The following RASGEF1C variants were observed in gnomAD, a reference collection of about 807,000 sequenced individuals.
RASGEF1C encodes the protein RasGEF domain family member 1C.
A neutral mutation model predicts 58.1 loss-of-function variants in RASGEF1C; 27 were observed. The ratio of observed to expected loss-of-function variants is 0.46; its 90% CI spans 0.34 to 0.64. The LOEUF is 0.64. RASGEF1C is among the 30% of genes least tolerant of loss of function. The pLI, the probability that RASGEF1C is intolerant of heterozygous loss-of-function variation, is 0.01. For synonymous variants in RASGEF1C, 243 were observed against 246.3 expected, an observed-to-expected ratio of 0.99 and a Z score of 0.13; for missense variants, 502 against 605.1, an observed-to-expected ratio of 0.83 and a Z score of 1.79.
At chr5:180,122,694 T>C (rs1484204290) in intron 6 of RASGEF1C, among the ~76,000 whole-genome samples, 2 of 150,266 alleles carry the variant, frequency 1.3e-5, no homozygotes, top group East Asian at 2.0e-4. Context: ...TGAGCCGAGA[T>C]TGTGCCACCG....
At chr5:180,190,431 A>G (rs932162081) in intron 1 of RASGEF1C, among the ~76,000 whole-genome samples, 11 of 132,932 alleles carry the variant, frequency 8.3e-5, no homozygotes, top group African/African-American at 1.6e-4. Flanking sequence ...CGGAGCTTGC[A>G]GTGAGCTGAG....
At chr5:180,182,407 G>A (rs878966493) in intron 1 of RASGEF1C, among the ~76,000 whole-genome samples, 4 of 151,974 alleles carry the variant, frequency 2.6e-5, no homozygotes, top group South Asian at 2.1e-4. Context: ...GTGAGCAGCC[G>A]CAAGATTTAT....
At chr5:180,175,573 T>C (rs1767210878) in intron 1 of RASGEF1C, among the ~76,000 whole-genome samples, 1 of 152,224 alleles carries the variant, frequency 6.6e-6, no homozygotes, top group African/African-American at 2.4e-5. Flanking sequence ...ACTCGGGACA[T>C]TTCCCGAGCC....
At chr5:180,175,848 C>T (rs958480496) in intron 1 of RASGEF1C, among the ~76,000 whole-genome samples, 4 of 152,148 alleles carry the variant, frequency 2.6e-5, no homozygotes, top group Admixed American at 2.0e-4. Context: ...ATTAGCCGGG[C>T]GCAGTGGCGG....
chr5:180,113,361 T>C (rs1241639674), intron 11 of RASGEF1C, among the ~76,000 whole-genome samples: 5 of 14,982 alleles, frequency 3.3e-4, no homozygotes, highest in Admixed American at 6.7e-4. Flanking sequence ...GACTGAGGGA[T>C]CCGGGATGGA....
intron 1 of RASGEF1C, among the ~76,000 whole-genome samples, chr5:180,183,493 GAA>G (rs56168442): frequency 0.029 from 4,402 of 149,238 alleles, 207 homozygotes; most frequent in African/African-American, 0.1. Flanking sequence ...AAAGAAGTCA[GAA>G]AAAAAAAAAG....
rs989321714 is a variant in RASGEF1C, at chr5:180,155,769, C to T, written c.-6-17711G>A. Among the ~76,000 whole-genome samples, 1 of 152,160 alleles carries T rather than the reference C, an allele frequency of 6.6e-6. No homozygotes were observed. Among genetic ancestry groups the T allele is most frequent in the African/African-American group, 2.4e-5 (1 of 41,444 alleles). ...GAACATACTTCTACAAGGAGAGGCA[C>T]AGCCCAGTCACTCCCCAAGCCACAG... On this transcript the variant is annotated intron_variant, in intron 1 of 13. Coordinates refer to ENST00000361132, the MANE Select transcript of RASGEF1C (RefSeq NM_175062.4). This position sits in a 1 kb window ranked among gnomAD's most constrained non-coding sequence, Gnocchi z 5.2.
rs1332096917 is a variant in RASGEF1C, at chr5:180,137,868, T to C, written c.177+8A>G. On this transcript the variant is annotated splice_region_variant and intron_variant, in intron 2 of 13. Transcript: ENST00000361132. This position sits in a 1 kb window ranked among gnomAD's most constrained non-coding sequence, Gnocchi z 4.1. ...CCCACTCTCCTGCCCGCTGGGTGGA[T>C]CACCCACCTCGGGGTAGTAGTCGGC... 1 of 1,611,050 alleles carries C rather than the reference T, an allele frequency of 6.2e-7. No individual in the cohort carries two copies. The highest frequency in any genetic ancestry group is 1.3e-5 in the African/African-American group (1 of 74,982).
At chr5:180,127,159 A>G (rs781425571) in intron 6 of RASGEF1C, among the ~76,000 whole-genome samples, 7 of 152,038 alleles carry the variant, frequency 4.6e-5, no homozygotes, top group Non-Finnish European at 7.4e-5. Flanking sequence ...ACCGGGACCC[A>G]GGAGTTCCCT....
chr5:180,174,608 ATGTGTGTGTCTGTG>A (rs58778445), intron 1 of RASGEF1C, among the ~76,000 whole-genome samples: 18,446 of 69,702 alleles, frequency 0.26, 1,143 homozygotes, highest in South Asian at 0.37. Context: ...GTGTGCACGC[ATGTGTGTGTCTGTG>A]TGTGTGTGTG....
intron 1 of RASGEF1C, among the ~76,000 whole-genome samples, chr5:180,138,906 G>A (rs73350896): frequency 0.015 from 2,278 of 152,152 alleles, 31 homozygotes; most frequent in African/African-American, 0.03. Flanking sequence ...GAAATGCCTC[G>A]TCCTCGGTGA....
At chr5:180,188,413 C>T (rs1204195198) in intron 1 of RASGEF1C, among the ~76,000 whole-genome samples, 1 of 152,156 alleles carries the variant, frequency 6.6e-6, no homozygotes, top group African/African-American at 2.4e-5. Context: ...GTGGCAGTTA[C>T]AGAACCTTTG....
chr5:180,187,392 GA>G (rs947502775), intron 1 of RASGEF1C, among the ~76,000 whole-genome samples: 1 of 151,932 alleles, frequency 6.6e-6, no homozygotes. Flanking sequence ...AGAAACAAAA[GA>G]AAAAACAGAT....
chr5:180,185,248 G>A (rs1186605613), intron 1 of RASGEF1C, among the ~76,000 whole-genome samples: 4 of 150,282 alleles, frequency 2.7e-5, no homozygotes, highest in South Asian at 4.2e-4. Flanking sequence ...GCGAGATCGC[G>A]CCACTGCACT....
intron 11 of RASGEF1C, among the ~76,000 whole-genome samples, chr5:180,112,015 G>A (rs1203729561): frequency 2.0e-5 from 3 of 152,120 alleles, no homozygotes; most frequent in South Asian, 2.1e-4. Flanking sequence ...CCCGCTCCAC[G>A]ACACCCTTTG....
intron 4 of RASGEF1C, among the ~76,000 whole-genome samples, chr5:180,135,974 A>G (rs1227590382): frequency 6.6e-6 from 1 of 152,216 alleles, no homozygotes; most frequent in Non-Finnish European, 1.5e-5. Context: ...GTCCCTGCCT[A>G]GCAGCACTGA....
At position 180,158,388 on chromosome 5, in the gene RASGEF1C, A is replaced by C. The variant is rs1766882883; in HGVS notation, c.-6-20330T>G. ...CACATACTCTAGTAGCTTTTTGAGA[A>C]GAGGTGCTTAGGAAGTAAATGTTTA... On this transcript the variant is annotated intron_variant, in intron 1 of 13. Coordinates refer to ENST00000361132, the MANE Select transcript of RASGEF1C (RefSeq NM_175062.4). The surrounding 1 kb of genome is among the most constrained non-coding windows in gnomAD (Gnocchi z 4.0). 6.6e-6 allele frequency among the ~76,000 whole-genome samples: 1 copy of C among 152,202 alleles called. No individual in the cohort carries two copies. Among genetic ancestry groups the C allele is most frequent in the African/African-American group, 2.4e-5 (1 of 41,448 alleles).
At chr5:180,126,113 T>C (rs1462738600) in intron 6 of RASGEF1C, among the ~76,000 whole-genome samples, 3 of 121,554 alleles carry the variant, frequency 2.5e-5, no homozygotes, top group Non-Finnish European at 5.5e-5. Context: ...ACAAAAAATC[T>C]TACAAGAATC....
At chr5:180,208,755 C>T (rs1474411152) in intron 1 of RASGEF1C, among the ~76,000 whole-genome samples, 6 of 152,038 alleles carry the variant, frequency 3.9e-5, no homozygotes, top group Non-Finnish European at 7.4e-5. Flanking sequence ...TTGCTCCTCG[C>T]GCCCAGCAGG....
Sources: gnomAD v4.1 joint callset for allele counts (sites outside exome capture counted in the v4.1 genomes callset) on GRCh38, gnomAD v4.1.1 for gene constraint, Gnocchi (gnomAD v3.1) non-coding constraint, MANE v1.5 for transcripts, NCBI Gene and HGNC (gene_info 2026-07-23, HGNC 2026-07-21) for gene names.